ADAMDEC1: variants seen among roughly 807,000 people sequenced by gnomAD.
ADAMDEC1 encodes the protein ADAM DEC1.
ADAMDEC1 carries 62 observed loss-of-function variants against 60.4 expected under a neutral mutation model. The observed-to-expected ratio is 1.03, with a 90% CI of 0.84 to 1.27. The LOEUF is 1.27. ADAMDEC1 is among the 50% of genes most tolerant of loss of function. ADAMDEC1 has a pLI of 0.00. For synonymous variants in ADAMDEC1, 210 were observed against 195.1 expected, an observed-to-expected ratio of 1.08 and a Z score of -0.64; for missense variants, 595 against 565.0, an observed-to-expected ratio of 1.05 and a Z score of -0.54.
chr8:24,388,339 T>G (rs774417046), intron 1 of ADAMDEC1, among the ~76,000 whole-genome samples: 9 of 152,262 alleles, frequency 5.9e-5, no homozygotes, highest in Non-Finnish European at 1.2e-4. Context: ...CTCTAGTTAG[T>G]CTCATCCCAT....
At chr8:24,396,766 T>A (rs536039873) in intron 5 of ADAMDEC1, among the ~76,000 whole-genome samples, 1 of 152,332 alleles carries the variant, frequency 6.6e-6, no homozygotes, top group Admixed American at 6.5e-5. Flanking sequence ...TTGTAATATT[T>A]TATTATATGG....
Position 24,400,159 on chromosome 8 carries a change from A to C in ADAMDEC1, c.1012-11A>C, listed in dbSNP as rs568514008. ...AAAAAAAGAATAAATAAATATATCT[A>C]CTTTTTCCAGGCTAAAAAAAAGAAT... On this transcript the variant is annotated splice_polypyrimidine_tract_variant and intron_variant, in intron 10 of 13. Transcript: ENST00000256412. 1.9e-6 allele frequency: 3 copies of C among 1,543,714 alleles called. No individual in the cohort carries two copies. The highest frequency in any genetic ancestry group is 2.8e-5 in the African/African-American group (2 of 71,636).
In ADAMDEC1 at chr8:24,400,254, A is replaced by G; in HGVS notation, c.1096A>G (p.Asn366Asp). The part of the protein sequence containing the change: ...HVLGMPDVPF[N>D]TKCPSGSCVM... Reference sequence around the variant, plus strand: ...CCTTGGTATGCCTGATGTTCCATTCAACACCAAGTGTCCCTCTGGCAGTTG... The same window carrying G: ...CCTTGGTATGCCTGATGTTCCATTCGACACCAAGTGTCCCTCTGGCAGTTG... Residue 366 changes from asparagine to aspartate, a missense_variant, in exon 11 of 14, where the codon AAC becomes GAC. Asn to Asp is a conservative substitution (Grantham distance 23). Transcript: ENST00000256412. The G allele has an allele frequency of 6.2e-7, 1 of 1,612,068 alleles. No individual in the cohort carries two copies. The highest frequency in any genetic ancestry group is 8.5e-7 in the Non-Finnish European group (1 of 1,178,890).
intron 12 of ADAMDEC1, 131 bp from the exon 13 acceptor site, chr8:24,403,872 G>T: frequency 3.2e-6 from 2 of 618,386 alleles, no homozygotes; most frequent in Non-Finnish European, 5.6e-6. Context: ...ATTTTCACTG[G>T]AATTTGCCTA....
chr8:24,402,289 TA>T (rs1179251009), intron 12 of ADAMDEC1, among the ~76,000 whole-genome samples, 197 bp downstream of exon 12: 1 of 152,154 alleles, frequency 6.6e-6, no homozygotes, highest in African/African-American at 2.4e-5. Flanking sequence ...TTGACATAAT[TA>T]TATGAAGTTA....
Position 24,392,368 on chromosome 8 carries a change from G to A in ADAMDEC1, c.195G>A (p.Lys65=). 1.2e-6 allele frequency: 2 copies of A among 1,608,816 alleles called. No individual in the cohort carries two copies. The change falls in exon 2 of 14, where the codon AAG becomes AAA. Residue 65 remains lysine (K), a synonymous_variant. Coordinates refer to ENST00000256412, the MANE Select transcript of ADAMDEC1 (RefSeq NM_014479.3). The part of the protein sequence containing the change: ...KREIKNNQTE[K]HGKEERYEPE... ...AGATCAAGAACAACCAGACAGAAAA[G>A]CATGGCAAAGAGGTAAGCAAGGTGA...
chr8:24,386,798 C>T (rs1003282405), intron 1 of ADAMDEC1, among the ~76,000 whole-genome samples: 6 of 152,102 alleles, frequency 3.9e-5, no homozygotes, highest in Admixed American at 6.6e-5. Flanking sequence ...TCTCTCCTGC[C>T]GGGTCTGTCC....
At chr8:24,388,190 T>A (rs1003115865) in intron 1 of ADAMDEC1, among the ~76,000 whole-genome samples, 1 of 152,104 alleles carries the variant, frequency 6.6e-6, no homozygotes, top group Admixed American at 6.6e-5. Flanking sequence ...CAGTTATTCT[T>A]CCCCGAGGCT....
chr8:24,386,036 C>G (rs1286044518), intron 1 of ADAMDEC1, among the ~76,000 whole-genome samples: 1 of 151,960 alleles, frequency 6.6e-6, no homozygotes, highest in African/African-American at 2.4e-5. Context: ...AAACTTGTTT[C>G]TATTAATATT....
At chr8:24,394,941 C>A (rs1563354619) in intron 4 of ADAMDEC1, among the ~76,000 whole-genome samples, 2 of 152,158 alleles carry the variant, frequency 1.3e-5, no homozygotes, top group Admixed American at 6.5e-5. Flanking sequence ...TTTATGTTGA[C>A]GATATCTCTT....
At chr8:24,386,176 A>G (rs981755540) in intron 1 of ADAMDEC1, among the ~76,000 whole-genome samples, 1 of 152,206 alleles carries the variant, frequency 6.6e-6, no homozygotes, top group African/African-American at 2.4e-5. Flanking sequence ...ATAACCCAAT[A>G]GTTAACAATG....
rs1176564903 is a variant in ADAMDEC1, at chr8:24,397,414, A to G, written c.585A>G (p.Lys195=). 6.2e-7 allele frequency: 1 copy of G among 1,613,950 alleles called. No individual in the cohort carries two copies. The highest frequency in any genetic ancestry group is 8.5e-7 in the Non-Finnish European group (1 of 1,179,968). The change falls in exon 6 of 14, where the codon AAA becomes AAG. Residue 195 remains lysine (K), a synonymous_variant. Transcript: ENST00000256412. ...HTCGVKSTDG[K]QGPIRISRSL... ...GTGGTGTGAAGAGCACTGACGGGAA[A>G]CAAGGCCCAATTCGAATCTCTAGAT...
chr8:24,385,333 C>T (rs1025567210), intron 1 of ADAMDEC1, among the ~76,000 whole-genome samples: 2 of 152,086 alleles, frequency 1.3e-5, no homozygotes, highest in African/African-American at 2.4e-5. Context: ...TAAAAGTTGC[C>T]GTGCAAAAGC....
In ADAMDEC1 at chr8:24,403,987, T is replaced by C. The variant is rs1817827633; in HGVS notation, c.1321-16T>C. ...ATGTTGAACCCACCTTTTTCCATTG[T>C]GTGTGTGCTTTGAAGGAGTGTACCA... On this transcript the variant is annotated splice_polypyrimidine_tract_variant and intron_variant, in intron 12 of 13. Transcript: ENST00000256412. 6.2e-7 allele frequency: 1 copy of C among 1,609,706 alleles called. No homozygotes were observed. The highest frequency in any genetic ancestry group is 8.5e-7 in the Non-Finnish European group (1 of 1,176,816).
At chr8:24,392,505 C>A (rs1817471397) in intron 2 of ADAMDEC1, 125 bp downstream of exon 2, 1 of 648,636 alleles carries the variant, frequency 1.5e-6, no homozygotes, top group Non-Finnish European at 2.6e-6. Flanking sequence ...CCCATGTATA[C>A]AACTCCCCTT....
At chr8:24,401,877 C>T in intron 11 of ADAMDEC1, 38 bp from the exon 12 acceptor site, 1 of 1,506,162 alleles carries the variant, frequency 6.6e-7, no homozygotes, top group Non-Finnish European at 9.0e-7. Context: ...AGGCACCACA[C>T]TGTATATCAT....
At chr8:24,405,170 TTAAA>T in intron 13 of ADAMDEC1, 118 bp from the exon 14 acceptor site, 1 of 1,062,656 alleles carries the variant, frequency 9.4e-7, no homozygotes, top group Non-Finnish European at 1.4e-6. Context: ...GTATAGTCTC[TTAAA>T]TAATATGAAT....
In ADAMDEC1 at chr8:24,390,198, A is replaced by T. The variant is rs754933106; in HGVS notation, c.89-2064A>T. 20 of 1,140,340 alleles carry T rather than the reference A, an allele frequency of 1.8e-5. No individual in the cohort carries two copies. The South Asian group carries it at 2.5e-4, about 14-fold the overall frequency. The allele number at this position is 1,140,340 out of a possible 1,614,324, so 70.6% of individuals were successfully genotyped here. On this transcript the variant is annotated intron_variant, in intron 1 of 13. Coordinates refer to ENST00000256412, the MANE Select transcript of ADAMDEC1 (RefSeq NM_014479.3). ...GTGAAATGAATATTTCAGTTTTCAC[A>T]TAAAAGAAATATCAGAGAAGGTAAG... is the stretch of plus-strand genomic sequence containing the variant.
At chr8:24,402,320 T>C (rs1817786249) in intron 12 of ADAMDEC1, among the ~76,000 whole-genome samples, 1 of 152,130 alleles carries the variant, frequency 6.6e-6, no homozygotes, top group African/African-American at 2.4e-5. Context: ...AAGTAAATTG[T>C]TAACTATAAC....
Sources: allele counts gnomAD v4.1 joint callset (sites outside exome capture counted in the v4.1 genomes callset), GRCh38; gene constraint gnomAD v4.1.1; transcripts MANE v1.5; gene names NCBI Gene and HGNC (gene_info 2026-07-23, HGNC 2026-07-21).